Variants in EML6 observed in about 807,000 individuals in gnomAD.
EML6 encodes echinoderm microtubule-associated protein-like 6.
EML6 carries 154 observed loss-of-function variants against 240.1 expected under a neutral mutation model. The observed-to-expected ratio is 0.64, with a 90% CI of 0.56 to 0.73. The LOEUF is 0.73. Among genes scored for constraint, EML6 ranks in the 30% least tolerant of loss-of-function variants. EML6 has a pLI of 0.00. For missense variants in EML6, 2,964 were observed against 2,474.6 expected, an observed-to-expected ratio of 1.20 and a Z score of -4.20; for synonymous variants, 1,148 against 899.0, an observed-to-expected ratio of 1.28 and a Z score of -4.95.
At chr2:54,928,559 C>G in intron 27 of EML6, 45 bp downstream of exon 27, 1 of 1,550,916 alleles carries the variant, frequency 6.4e-7, no homozygotes, top group Non-Finnish European at 8.7e-7. Context: ...GAATGCACCT[C>G]CCAACACCTC....
At chr2:54,934,764 G>C (rs967405810) in intron 28 of EML6, among the ~76,000 whole-genome samples, 1 of 151,916 alleles carries the variant, frequency 6.6e-6, no homozygotes, top group South Asian at 2.1e-4. Context: ...TGTTTCCCAG[G>C]GTGTTCTCAA....
At chr2:54,814,419 G>C (rs1667992062) in intron 3 of EML6, among the ~76,000 whole-genome samples, 1 of 152,130 alleles carries the variant, frequency 6.6e-6, no homozygotes, top group Non-Finnish European at 1.5e-5. Context: ...ATACGTTCTA[G>C]AAAAGAAAGT....
Position 54,892,647 on chromosome 2 carries a change from A to T in EML6, c.2733A>T (p.Ala911=), listed in dbSNP as rs1273237804. The T allele has an allele frequency of 6.4e-7, 1 of 1,550,986 alleles. No homozygotes were observed. The highest frequency in any genetic ancestry group is 1.4e-5 in the African/African-American group (1 of 73,014). ...AHDGPVFAMY[A]LDKGFVTGGK... The stretch of plus-strand genomic sequence containing the variant: ...ATGGGCCTGTGTTTGCTATGTATGC[A>T]CTGGATAAGGTATGGCCTGTGTATC... Residue 911 remains alanine, a synonymous_variant, in exon 19 of 42, where the codon GCA becomes GCT. Coordinates refer to ENST00000356458, the MANE Select transcript of EML6 (RefSeq NM_001039753.4).
chr2:54,912,453 T>G (rs562477115), intron 25 of EML6, among the ~76,000 whole-genome samples: 4 of 152,154 alleles, frequency 2.6e-5, no homozygotes, highest in Non-Finnish European at 5.9e-5. Context: ...CATGCATAGG[T>G]TTGTTTCATG....
intron 13 of EML6, among the ~76,000 whole-genome samples, chr2:54,865,850 A>G (rs561630352): frequency 1.8e-4 from 27 of 152,336 alleles, no homozygotes; most frequent in South Asian, 4.1e-4. Flanking sequence ...TTTTAACTCA[A>G]TTTTACAGAT....
intron 19 of EML6, among the ~76,000 whole-genome samples, chr2:54,892,914 C>A (rs1005240660): frequency 1.3e-5 from 2 of 152,164 alleles, no homozygotes. Flanking sequence ...TCATGAGAGT[C>A]CCTTAAGAAG....
rs1668102718 is a variant in EML6 at position 54,816,843 on chromosome 2, G to A, written c.414G>A (p.Arg138=). 1.3e-6 allele frequency: 2 copies of A among 1,551,460 alleles called. No homozygotes were observed. The highest frequency in any genetic ancestry group is 1.4e-5 in the African/African-American group (1 of 73,052). ...AKNTVCIWDW[R]KGKLLASATG... ...ACACAGTCTGCATTTGGGACTGGAG[G>A]AAGGGAAAACTTCTGGCGTCAGCCA... Residue 138 remains arginine, a synonymous_variant, in exon 4 of 42, where the codon AGG becomes AGA. Coordinates refer to ENST00000356458, the MANE Select transcript of EML6 (RefSeq NM_001039753.4).
chr2:54,796,380 T>A (rs1051003429), intron 2 of EML6, among the ~76,000 whole-genome samples: 1 of 152,190 alleles, frequency 6.6e-6, no homozygotes, highest in Non-Finnish European at 1.5e-5. Flanking sequence ...AGAGAATCCA[T>A]TTCTTAAAGG....
At chr2:54,804,357 C>G (rs1024462993) in intron 2 of EML6, among the ~76,000 whole-genome samples, 9 of 152,222 alleles carry the variant, frequency 5.9e-5, no homozygotes, top group Non-Finnish European at 1.2e-4. Flanking sequence ...CTCCAGAAAG[C>G]TGGATTTCAC....
At chr2:54,905,610 C>T (rs998859507) in intron 24 of EML6, among the ~76,000 whole-genome samples, 1 of 152,148 alleles carries the variant, frequency 6.6e-6, no homozygotes, top group Non-Finnish European at 1.5e-5. Flanking sequence ...AACATTGACA[C>T]TGTTGTGCAA....
chr2:54,789,028 C>G (rs1669248664), intron 2 of EML6, among the ~76,000 whole-genome samples: 1 of 152,116 alleles, frequency 6.6e-6, no homozygotes, highest in Non-Finnish European at 1.5e-5. Context: ...TATCTTTTTG[C>G]TTTTTATTCT....
intron 23 of EML6, 52 bp downstream of exon 23, chr2:54,903,248 A>C: frequency 6.5e-7 from 1 of 1,529,076 alleles, no homozygotes; most frequent in Non-Finnish European, 8.8e-7. Flanking sequence ...GGGACAAAAA[A>C]TTACAAGAAT....
chr2:54,866,047 G>A (rs1214587448), intron 13 of EML6, among the ~76,000 whole-genome samples: 1 of 152,168 alleles, frequency 6.6e-6, no homozygotes, highest in African/African-American at 2.4e-5. Context: ...AGTAGTGAGA[G>A]TTCTTCTGAC....
intron 2 of EML6, among the ~76,000 whole-genome samples, chr2:54,758,281 C>G (rs1353158561): frequency 6.6e-6 from 1 of 152,062 alleles, no homozygotes; most frequent in Non-Finnish European, 1.5e-5. Context: ...CTGAGTCTTC[C>G]TTACAGTGAC....
At chr2:54,853,881 G>A (rs989564938) in intron 11 of EML6, 26 bp downstream of exon 11, 12 of 1,475,944 alleles carry the variant, frequency 8.1e-6, no homozygotes, top group East Asian at 4.9e-5. Flanking sequence ...ATGTTTCATT[G>A]CATAAAGATT....
chr2:54,959,724 T>C (rs539222882), intron 34 of EML6, among the ~76,000 whole-genome samples: 16 of 152,256 alleles, frequency 1.1e-4, no homozygotes, highest in African/African-American at 3.9e-4. Flanking sequence ...ATCATGTCAT[T>C]GCACTCCAGC....
At chr2:54,864,870 G>A (rs1670883999) in intron 13 of EML6, among the ~76,000 whole-genome samples, 2 of 152,178 alleles carry the variant, frequency 1.3e-5, no homozygotes, top group South Asian at 4.1e-4. Context: ...TTGATTCAGA[G>A]TTTGAAAAAT....
chr2:54,825,654 G>T (rs1668550670), intron 5 of EML6, among the ~76,000 whole-genome samples: 1 of 152,122 alleles, frequency 6.6e-6, no homozygotes, highest in East Asian at 1.9e-4. Flanking sequence ...TCTGAGAAGA[G>T]AATCCGATTT....
chr2:54,897,587 C>T (rs928762725), intron 21 of EML6, among the ~76,000 whole-genome samples: 3 of 152,198 alleles, frequency 2.0e-5, no homozygotes, highest in African/African-American at 7.2e-5. Flanking sequence ...TTAGCTTGGA[C>T]ACTTCAGGAA....
Sources: allele counts gnomAD v4.1 joint callset (sites outside exome capture counted in the v4.1 genomes callset), GRCh38; gene constraint gnomAD v4.1.1; transcripts MANE v1.5; gene names NCBI Gene and HGNC (gene_info 2026-07-23, HGNC 2026-07-21).